PROS1: variants seen among roughly 807,000 people sequenced by gnomAD.
The protein encoded by PROS1 is vitamin K-dependent protein S.
A neutral mutation model predicts 75.9 loss-of-function variants in PROS1; 29 were observed. The ratio of observed to expected loss-of-function variants is 0.38; its 90% confidence interval spans 0.28 to 0.52. The LOEUF is 0.52. Among genes scored for constraint, PROS1 ranks in the 20% least tolerant of loss-of-function variants. The probability of loss-of-function intolerance (pLI) is 0.83; values close to 1 mark genes in which losing one functional copy is unlikely to be tolerated. For missense variants in PROS1, 680 were observed against 810.3 expected (o/e 0.84, Z 1.95); for synonymous variants, 245 against 280.6 (o/e 0.87, Z 1.27).
intron 3 of PROS1, among the ~76,000 whole-genome samples, chr3:93,923,639 G>A (rs182413489): frequency 6.6e-6 from 1 of 152,168 alleles, no homozygotes; most frequent in Non-Finnish European, 1.5e-5. Flanking sequence ...GGTGGGTCAT[G>A]CCTGTAATCC....
intron 10 of PROS1, among the ~76,000 whole-genome samples, chr3:93,887,169 T>C (rs1209121490): frequency 3.9e-5 from 6 of 151,988 alleles, no homozygotes; most frequent in African/African-American, 1.2e-4. Context: ...CCACCCGCCT[T>C]GGCCTCCCAA....
chr3:93,945,831 A>T lies in PROS1; in HGVS notation c.77-18424T>A, dbSNP rs188175987. On this transcript the variant is annotated intron_variant, in intron 1 of 14. Transcript: ENST00000394236. ...CTGGGCAATTGGGCAGGAGAAGGAA[A>T]TAAAGGGCATTCAAGTAGGAAAAGA... is the stretch of plus-strand genomic sequence containing the variant. 2.0e-4 allele frequency among the ~76,000 whole-genome samples: 31 copies of T among 152,314 alleles called. No homozygotes were observed. The East Asian group carries it at 5.6e-3, about 28-fold the overall frequency.
At chr3:93,898,590 G>A (rs774781117) in intron 7 of PROS1, 21 bp from the exon 8 acceptor site, 16 of 1,610,014 alleles carry the variant, frequency 9.9e-6, no homozygotes, top group East Asian at 4.5e-5. Context: ...AAAAACACAC[G>A]CACACAAACT....
At chr3:93,968,807 T>A (rs1434992057) in intron 1 of PROS1, among the ~76,000 whole-genome samples, 1 of 152,194 alleles carries the variant, frequency 6.6e-6, no homozygotes, top group Non-Finnish European at 1.5e-5. Flanking sequence ...TGTTGCCACA[T>A]ACTAATCAGG....
chr3:93,892,778 A>T (rs1559931731), intron 10 of PROS1, among the ~76,000 whole-genome samples, 155 bp downstream of exon 10: 1 of 152,226 alleles, frequency 6.6e-6, no homozygotes, highest in Non-Finnish European at 1.5e-5. Context: ...ATTATTTCTC[A>T]GGATGCTTCA....
chr3:93,969,051 G>C (rs746873490), intron 1 of PROS1, among the ~76,000 whole-genome samples: 4 of 151,836 alleles, frequency 2.6e-5, no homozygotes, highest in Non-Finnish European at 5.9e-5. Flanking sequence ...GTAACCAAGG[G>C]AGAGAAAGGC....
At chr3:93,964,597 C>A (rs777008856) in intron 1 of PROS1, among the ~76,000 whole-genome samples, 1 of 152,152 alleles carries the variant, frequency 6.6e-6, no homozygotes, top group Non-Finnish European at 1.5e-5. Flanking sequence ...AATATGTGCA[C>A]CACGGAACAA....
At position 93,893,054 on chromosome 3, in the gene PROS1, T is replaced by C; in HGVS notation, c.1034A>G (p.Asp345Gly). Residue 345 changes from aspartate to glycine, a missense_variant, in exon 10 of 15, where the codon GAT (aspartate) becomes GGT (glycine). Asp to Gly is a moderately conservative substitution (Grantham distance 94, BLOSUM62 -1). Transcript: ENST00000394236. ...EGVILYAESI[D>G]HSAWLLIALR... ...TGCAATCAGGAGCCACGCTGAGTGA[T>C]CGATAGATTCTGCGTACAGTATCAC... The C allele has an allele frequency of 6.2e-7, 1 of 1,614,020 alleles. No homozygotes were observed. Among genetic ancestry groups the C allele is most frequent in the Non-Finnish European group, 8.5e-7 (1 of 1,179,942 alleles).
intron 1 of PROS1, among the ~76,000 whole-genome samples, chr3:93,953,395 T>G (rs879173724): frequency 5.3e-5 from 8 of 152,196 alleles, no homozygotes; most frequent in Admixed American, 5.2e-4. Context: ...TCAAGTTGGC[T>G]TCATCCCTGG....
At chr3:93,949,915 G>C (rs1709465962) in intron 1 of PROS1, among the ~76,000 whole-genome samples, 1 of 152,142 alleles carries the variant, frequency 6.6e-6, no homozygotes, top group African/African-American at 2.4e-5. Flanking sequence ...AAGGGGTCGG[G>C]GAATTCCCTT....
At position 93,928,755 on chromosome 3, in the gene PROS1, C is replaced by T. The variant is rs772538645; in HGVS notation, c.77-1348G>A. On this transcript the variant is annotated intron_variant, in intron 1 of 14. Transcript: ENST00000394236. The stretch of plus-strand genomic sequence containing the variant: ...AGATAAGCCGACCAATACAGAAATG[C>T]ATGCACGGTTGTATATAAAATCATT... 15 of 1,294,706 alleles carry T rather than the reference C, an allele frequency of 1.2e-5. 1 individual carries two copies. The South Asian group carries it at 1.9e-4, about 16-fold the overall frequency. The allele number at this position is 1,294,706 out of a possible 1,614,324, so 80.2% of individuals were successfully genotyped here. A position where few individuals can be genotyped will look rare whatever the true frequency, so the allele number is the denominator to read the frequency against.
chr3:93,882,446 CAA>C (rs1039640464), intron 12 of PROS1, among the ~76,000 whole-genome samples: 11 of 152,080 alleles, frequency 7.2e-5, no homozygotes, highest in Admixed American at 2.6e-4. Flanking sequence ...CAACAAAAGC[CAA>C]ATTATCTGCA....
chr3:93,924,041 C>A (rs892552623), intron 3 of PROS1, among the ~76,000 whole-genome samples, 199 bp downstream of exon 3: 1 of 152,098 alleles, frequency 6.6e-6, no homozygotes, highest in African/African-American at 2.4e-5. Context: ...TAAAATGTCA[C>A]ATGGTAATTA....
intron 2 of PROS1, among the ~76,000 whole-genome samples, chr3:93,926,715 G>A (rs574994876): frequency 2.3e-4 from 35 of 152,316 alleles, no homozygotes; most frequent in East Asian, 7.7e-4. Flanking sequence ...GCATGCGTGC[G>A]CGCGCACACG....
intron 1 of PROS1, among the ~76,000 whole-genome samples, chr3:93,949,886 T>C (rs999045893): frequency 2.5e-4 from 38 of 152,146 alleles, no homozygotes; most frequent in Non-Finnish European, 4.6e-4. Context: ...GGGGGGGCAT[T>C]GCCTCACCCG....
At chr3:93,930,152 A>G (rs1709085117) in intron 1 of PROS1, among the ~76,000 whole-genome samples, 1 of 152,198 alleles carries the variant, frequency 6.6e-6, no homozygotes, top group Non-Finnish European at 1.5e-5. Context: ...TTGTAACCCT[A>G]TCTCTTGACA....
intron 1 of PROS1, among the ~76,000 whole-genome samples, chr3:93,942,236 A>C (rs1709300201): frequency 6.6e-6 from 1 of 152,102 alleles, no homozygotes; most frequent in South Asian, 2.1e-4. Flanking sequence ...AGCCGAACTC[A>C]TTGCCTTAAC....
At chr3:93,953,391 T>G (rs1314398340) in intron 1 of PROS1, among the ~76,000 whole-genome samples, 3 of 152,158 alleles carry the variant, frequency 2.0e-5, no homozygotes, top group African/African-American at 7.2e-5. Flanking sequence ...CCGATCAAGT[T>G]GGCTTCATCC....
At chr3:93,973,635 A>G (rs769922096) in intron 1 of PROS1, 39 bp downstream of exon 1, 2 of 1,602,918 alleles carry the variant, frequency 1.2e-6, no homozygotes, top group Admixed American at 3.4e-5. Flanking sequence ...TCAGTCGACA[A>G]TGCTGGGGAA....
Sources: gnomAD v4.1 joint callset for allele counts (sites outside exome capture counted in the v4.1 genomes callset) on GRCh38, gnomAD v4.1.1 for gene constraint, MANE v1.5 for transcripts, NCBI Gene and HGNC (gene_info 2026-07-23, HGNC 2026-07-21) for gene names.